Variants in CACNA1C observed in about 807,000 individuals in gnomAD.
CACNA1C encodes the protein calcium voltage-gated channel subunit alpha1 C.
Under a neutral mutation model 229.0 loss-of-function variants are expected in CACNA1C, and 30 were observed. That is an observed-to-expected ratio of 0.13 (90% CI 0.10 to 0.18). CACNA1C has a LOEUF of 0.18. Among genes scored for constraint, CACNA1C ranks in the 10% least tolerant of loss-of-function variants. The probability of loss-of-function intolerance (pLI) is 1.00; values close to 1 mark genes in which losing one functional copy is unlikely to be tolerated. For synonymous variants in CACNA1C, 1,114 were observed against 1,132.5 expected (o/e 0.98, Z 0.33); for missense variants, 1,658 against 2,845.0 (o/e 0.58, Z 9.49).
At chr12:2,682,822 C>A (rs2097213642) in intron 43 of CACNA1C, 144 bp downstream of exon 43, 1 of 723,554 alleles carries the variant, frequency 1.4e-6, no homozygotes, top group Non-Finnish European at 2.0e-6. Context: ...CCGCCTCTTT[C>A]ATCTCCTCAG....
At chr12:2,086,703 C>T (rs1041113976) in intron 1 of CACNA1C, among the ~76,000 whole-genome samples, 2 of 152,144 alleles carry the variant, frequency 1.3e-5, no homozygotes, top group Non-Finnish European at 2.9e-5. Context: ...TGGTCTTTGA[C>T]GTTTTCTCCA....
At chr12:2,260,142 G>C (rs1341427809) in intron 3 of CACNA1C, among the ~76,000 whole-genome samples, 2 of 152,096 alleles carry the variant, frequency 1.3e-5, no homozygotes, top group Non-Finnish European at 2.9e-5. Context: ...GCTGTGGGGG[G>C]CACATTTTGG....
At chr12:2,162,954 A>G (rs937729411) in intron 3 of CACNA1C, among the ~76,000 whole-genome samples, 5 of 152,118 alleles carry the variant, frequency 3.3e-5, no homozygotes, top group African/African-American at 1.2e-4. Flanking sequence ...AAACCCACGG[A>G]TATGCCTTCC....
rs3216317 is a variant in CACNA1C, at chr12:2,155,406, G to GA, written c.477+34986dup. On this transcript the variant is annotated intron_variant, in intron 3 of 46. Transcript: ENST00000399655. ...GGGCTTCAGTTTCCCTATATGAAAA[G>GA]AAAAAAAAAATAGAATTGCCCCAAA... Among the ~76,000 whole-genome samples, 1,434 of 147,668 alleles carry GA rather than the reference G, an allele frequency of 9.7e-3. 25 individuals are homozygous for GA. Among genetic ancestry groups the GA allele is most frequent in the African/African-American group, 0.032 (1,294 of 40,336 alleles).
rs1208665489 is a variant in CACNA1C at position 2,403,916 on chromosome 12, TTAA to T, written c.478-45058_478-45056del. On this transcript the variant is annotated intron_variant, in intron 3 of 46. Transcript: ENST00000399655. The surrounding 1 kb of genome is among the most constrained non-coding windows in gnomAD (Gnocchi z 4.1). Reference sequence around the variant, plus strand: ...GCCTGTTTCCACCTAGAGGAAAGACTTAATGATTCTCACCCTTGAAAGTGTGTA... The same window carrying T: ...GCCTGTTTCCACCTAGAGGAAAGACTTGATTCTCACCCTTGAAAGTGTGTA... Among the ~76,000 whole-genome samples the T allele has an allele frequency of 6.6e-6, 1 of 152,218 alleles. No individual in the cohort carries two copies. The highest frequency in any genetic ancestry group is 6.5e-5 in the Admixed American group (1 of 15,288).
At chr12:2,192,184 C>T (rs964770620) in intron 3 of CACNA1C, among the ~76,000 whole-genome samples, 2 of 152,210 alleles carry the variant, frequency 1.3e-5, no homozygotes, top group African/African-American at 4.8e-5. Flanking sequence ...GCTGACATCA[C>T]AGTAATGTGA....
At chr12:2,358,632 G>C (rs1008409385) in intron 3 of CACNA1C, among the ~76,000 whole-genome samples, 1 of 152,164 alleles carries the variant, frequency 6.6e-6, no homozygotes, top group East Asian at 1.9e-4. Flanking sequence ...GCTAAATGAC[G>C]AGTTTCTAAG....
At chr12:2,516,855 T>C (rs2099797882) in intron 9 of CACNA1C, among the ~76,000 whole-genome samples, 1 of 152,118 alleles carries the variant, frequency 6.6e-6, no homozygotes, top group Admixed American at 6.5e-5. Flanking sequence ...GAACTGTAAT[T>C]TGGGAAGTCA....
intron 1 of CACNA1C, among the ~76,000 whole-genome samples, chr12:2,071,167 TCCCTC>T (rs2061168294): frequency 1.4e-5 from 1 of 70,316 alleles, no homozygotes; most frequent in African/African-American, 6.1e-5. Context: ...CCTCCCTCCC[TCCCTC>T]CCTGCCTGCC....
intron 1 of CACNA1C, among the ~76,000 whole-genome samples, chr12:2,031,912 A>T (rs1291343432): frequency 6.6e-6 from 1 of 152,130 alleles, no homozygotes; most frequent in African/African-American, 2.4e-5. Context: ...ATGAGTATGC[A>T]ATAGTCACCT....
At chr12:2,070,020 G>T (rs1048423160) in intron 1 of CACNA1C, among the ~76,000 whole-genome samples, 8 of 152,142 alleles carry the variant, frequency 5.3e-5, no homozygotes, top group African/African-American at 1.9e-4. Context: ...TTCCAGGCTT[G>T]TTTCAAACTC....
At chr12:2,573,628 G>T (rs530274985) in intron 13 of CACNA1C, among the ~76,000 whole-genome samples, 5 of 152,164 alleles carry the variant, frequency 3.3e-5, no homozygotes, top group Non-Finnish European at 7.3e-5. Flanking sequence ...ATGGTCCAAG[G>T]GTCGGGAACA....
chr12:2,365,703 C>T (rs2097702626), intron 3 of CACNA1C, among the ~76,000 whole-genome samples: 2 of 152,174 alleles, frequency 1.3e-5, no homozygotes, highest in Non-Finnish European at 2.9e-5. Context: ...TTTAATTTAA[C>T]ATGACAGGAG....
At chr12:2,516,122 G>A (rs763267357) in intron 9 of CACNA1C, among the ~76,000 whole-genome samples, 23 of 152,200 alleles carry the variant, frequency 1.5e-4, no homozygotes, top group African/African-American at 4.3e-4. Flanking sequence ...AATGTCTCAC[G>A]ATCGAGGCAG....
intron 3 of CACNA1C, among the ~76,000 whole-genome samples, chr12:2,428,571 G>A (rs1353276912): frequency 1.3e-5 from 2 of 152,184 alleles, no homozygotes; most frequent in African/African-American, 4.8e-5. Flanking sequence ...GGGGAGCTTT[G>A]CTCACTCTGA....
At chr12:2,043,244 A>T (rs1264141276) in intron 1 of CACNA1C, among the ~76,000 whole-genome samples, 1 of 152,228 alleles carries the variant, frequency 6.6e-6, no homozygotes, top group Admixed American at 6.5e-5. Context: ...GTTCACACAC[A>T]TGCGGTTGTT....
chr12:2,324,126 A>G (rs765715703), intron 3 of CACNA1C, among the ~76,000 whole-genome samples: 10 of 152,166 alleles, frequency 6.6e-5, no homozygotes, highest in Admixed American at 1.3e-4. Flanking sequence ...CTTCAAGTCT[A>G]AAAATAGGAG....
At chr12:1,977,925 A>G (rs139956004) in intron 1 of CACNA1C, among the ~76,000 whole-genome samples, 1,607 of 152,352 alleles carry the variant, frequency 0.011, 8 homozygotes, top group Non-Finnish European at 0.015. Flanking sequence ...GCCACCAAGA[A>G]AATATCTACT....
chr12:2,609,004 G>A (rs2076476583), intron 27 of CACNA1C, among the ~76,000 whole-genome samples: 1 of 152,208 alleles, frequency 6.6e-6, no homozygotes, highest in African/African-American at 2.4e-5. Flanking sequence ...CTATATAGAA[G>A]TTAACAAGTT....
Sources: allele counts gnomAD v4.1 joint callset (sites outside exome capture counted in the v4.1 genomes callset), GRCh38; gene constraint gnomAD v4.1.1; non-coding constraint Gnocchi (gnomAD v3.1); transcripts MANE v1.5; gene names NCBI Gene and HGNC (gene_info 2026-07-23, HGNC 2026-07-21).